Variants in TRIQK observed in about 807,000 individuals in gnomAD.
TRIQK encodes the protein triple QxxK/R motif containing, also known as triple QxxK/R motif-containing protein.
TRIQK carries 10 observed loss-of-function variants against 10.8 expected under a neutral mutation model. That is an observed-to-expected ratio of 0.92 (90% confidence interval 0.57 to 1.57). The LOEUF is 1.57. Among genes scored for constraint, TRIQK ranks in the 40% most tolerant of loss-of-function variants. The probability of loss-of-function intolerance (pLI) is 0.00; values close to 1 mark genes in which losing one functional copy is unlikely to be tolerated. For missense variants in TRIQK, 107 were observed against 97.7 expected (o/e 1.09, Z -0.40); for synonymous variants, 33 against 33.7 (o/e 0.98, Z 0.07).
At chr8:92,901,756 T>C (rs1268646641) in intron 3 of TRIQK, among the ~76,000 whole-genome samples, 1 of 152,166 alleles carries the variant, frequency 6.6e-6, no homozygotes, top group Non-Finnish European at 1.5e-5. Context: ...ATACTGGCCT[T>C]GTAAAATGAG....
chr8:92,944,279 T>C (rs1323477600), intron 2 of TRIQK, among the ~76,000 whole-genome samples: 1 of 144,910 alleles, frequency 6.9e-6, no homozygotes, highest in Non-Finnish European at 1.5e-5. Context: ...GTACAGCCAT[T>C]ATGGAAGAGA....
intron 4 of TRIQK, 63 bp downstream of exon 4, chr8:92,891,926 C>T: frequency 1.8e-6 from 2 of 1,125,918 alleles, no homozygotes; most frequent in Non-Finnish European, 2.5e-6. Context: ...TTATGCAATC[C>T]AGTTTTAGAA....
intron 1 of TRIQK, among the ~76,000 whole-genome samples, chr8:93,016,426 C>T (rs1181488487): frequency 6.6e-6 from 1 of 152,164 alleles, no homozygotes; most frequent in Non-Finnish European, 1.5e-5. Context: ...GCTTCATTAA[C>T]AACTAGTTTT....
At chr8:92,926,653 C>A (rs1810462698) in intron 2 of TRIQK, among the ~76,000 whole-genome samples, 1 of 152,066 alleles carries the variant, frequency 6.6e-6, no homozygotes, top group East Asian at 1.9e-4. Flanking sequence ...ATAATCATAG[C>A]ACACTACGTC....
chr8:93,000,008 T>C (rs1813192485), intron 1 of TRIQK, among the ~76,000 whole-genome samples: 1 of 152,160 alleles, frequency 6.6e-6, no homozygotes, highest in African/African-American at 2.4e-5. Flanking sequence ...CTACATATAC[T>C]TTCAACTTCC....
At chr8:92,915,658 A>ATT (rs11400309) in intron 3 of TRIQK, among the ~76,000 whole-genome samples, 2,436 of 142,422 alleles carry the variant, frequency 0.017, 23 homozygotes, top group Middle Eastern at 0.029. Flanking sequence ...CGCCCGGCTA[A>ATT]TTTTTTTTTT....
At chr8:92,983,029 T>G (rs1167140991) in intron 1 of TRIQK, among the ~76,000 whole-genome samples, 1 of 152,050 alleles carries the variant, frequency 6.6e-6, no homozygotes, top group African/African-American at 2.4e-5. Flanking sequence ...TTCATATGGC[T>G]GCTGTAAAAA....
Position 93,014,626 on chromosome 8 carries a change from T to A in TRIQK, c.-181+2983A>T, listed in dbSNP as rs535946620. 2.0e-5 allele frequency among the ~76,000 whole-genome samples: 3 copies of A among 152,162 alleles called. No homozygotes were observed. The South Asian group carries it at 6.2e-4, about 32-fold the overall frequency. ...ACATCATAAAAAGTTACTTTATAAT[T>A]TTTAATCACATATATTTCAAATTGC... is the stretch of plus-strand genomic sequence containing the variant. On this transcript the variant is annotated intron_variant, in intron 1 of 4. Transcript: ENST00000520686.
At chr8:92,969,786 A>AT (rs1812855320), upstream of TRIQK, among the ~76,000 whole-genome samples, 3 of 146,490 alleles carry the variant, frequency 2.0e-5, no homozygotes, top group South Asian at 2.2e-4. Flanking sequence ...AAAAAAAATT[A>AT]ATTTTTTTTA....
chr8:92,928,023 T>G (rs1195509303), intron 2 of TRIQK: 1 of 152,104 alleles, frequency 6.6e-6, no homozygotes, highest in Non-Finnish European at 1.5e-5. Flanking sequence ...TTCCAATTAA[T>G]GTCAAGAGGT....
chr8:93,004,263 C>T (rs1813244739), intron 1 of TRIQK, among the ~76,000 whole-genome samples: 1 of 152,214 alleles, frequency 6.6e-6, no homozygotes, highest in Non-Finnish European at 1.5e-5. Context: ...CTTCTGCACA[C>T]CCATGGTCCA....
At chr8:92,939,683 C>A (rs1193631089) in intron 2 of TRIQK, among the ~76,000 whole-genome samples, 1 of 152,054 alleles carries the variant, frequency 6.6e-6, no homozygotes, top group Non-Finnish European at 1.5e-5. Context: ...GCCAACAAAC[C>A]CACCCTACAA....
intron 1 of TRIQK, among the ~76,000 whole-genome samples, chr8:93,004,385 A>T (rs1044674215): frequency 5.9e-5 from 9 of 152,192 alleles, no homozygotes; most frequent in Non-Finnish European, 1.3e-4. Context: ...GGGACACATC[A>T]GAGCACAGCC....
At chr8:92,897,101 G>C (rs1051860986) in intron 3 of TRIQK, among the ~76,000 whole-genome samples, 2 of 152,162 alleles carry the variant, frequency 1.3e-5, no homozygotes, top group Non-Finnish European at 2.9e-5. Context: ...ACAGGCATGA[G>C]CCACCATGCC....
intron 3 of TRIQK, among the ~76,000 whole-genome samples, chr8:92,892,355 G>T (rs1816810746): frequency 6.6e-6 from 1 of 151,894 alleles, no homozygotes; most frequent in African/African-American, 2.4e-5. Flanking sequence ...TTAAAGTAAA[G>T]AAAATAAAAC....
intron 3 of TRIQK, among the ~76,000 whole-genome samples, chr8:92,912,787 T>C (rs977265396): frequency 6.6e-6 from 1 of 151,416 alleles, no homozygotes; most frequent in Admixed American, 6.6e-5. Flanking sequence ...CAAGAAGAAA[T>C]AGAAAGCCTG....
Position 92,910,803 on chromosome 8 carries a change from C to A in TRIQK, c.61+6126G>T, listed in dbSNP as rs569746455. Among the ~76,000 whole-genome samples, 304 of 151,144 alleles carry A rather than the reference C, an allele frequency of 2.0e-3. 1 individual carries two copies. Among genetic ancestry groups the A allele is most frequent in the Non-Finnish European group, 2.9e-3 (196 of 67,340 alleles). ...TATATACCAATTTACAAATGCTAAG[C>A]AACGAAAACATAGCTTCAAATATAT... On this transcript the variant is annotated intron_variant, in intron 3 of 4. Coordinates refer to ENST00000521988, the MANE Select transcript of TRIQK (RefSeq NM_001171797.2).
intron 3 of TRIQK, among the ~76,000 whole-genome samples, chr8:92,911,819 A>C (rs1480667324): frequency 6.7e-6 from 1 of 149,828 alleles, no homozygotes; most frequent in Non-Finnish European, 1.5e-5. Context: ...ATGTACATAC[A>C]TGTATATGTA....
chr8:92,935,934 A>G lies in TRIQK; in HGVS notation c.-22+18472T>C, dbSNP rs576027607. The stretch of plus-strand genomic sequence containing the variant: ...GAACTATAATTTTTTAAGTCAATCA[A>G]TGTTTAAAAATCTACCCTTAAAAAA... On this transcript the variant is annotated intron_variant, in intron 2 of 4. Coordinates refer to ENST00000521988, the MANE Select transcript of TRIQK (RefSeq NM_001171797.2). Among the ~76,000 whole-genome samples the G allele has an allele frequency of 2.6e-5, 4 of 151,808 alleles. No individual in the cohort carries two copies. In the South Asian group the frequency reaches 6.2e-4, roughly 24 times the overall value.
Sources: gnomAD v4.1 joint callset for allele counts (sites outside exome capture counted in the v4.1 genomes callset) on GRCh38, gnomAD v4.1.1 for gene constraint, MANE v1.5 for transcripts, NCBI Gene and HGNC (gene_info 2026-07-23, HGNC 2026-07-21) for gene names.